The following SLC39A11 variants were observed in gnomAD, a reference collection of about 807,000 sequenced individuals.
SLC39A11 encodes zinc transporter ZIP11.
SLC39A11 carries 33 observed loss-of-function variants against 36.1 expected under a neutral mutation model. The observed-to-expected ratio is 0.91, with a 90% confidence interval of 0.69 to 1.22. The LOEUF (loss-of-function observed/expected upper bound fraction) is 1.22, where lower values mean the gene tolerates loss of function less well. Ranked by LOEUF, SLC39A11 falls within the 50% of genes most tolerant of loss-of-function variation. The probability of loss-of-function intolerance (pLI) is 0.00; values close to 1 mark genes in which losing one functional copy is unlikely to be tolerated. For synonymous variants in SLC39A11, 166 were observed against 170.3 expected, an observed-to-expected ratio of 0.97 and a Z score of 0.20; for missense variants, 432 against 430.3, an observed-to-expected ratio of 1.00 and a Z score of -0.03.
chr17:73,004,232 A>AAAGAAAAGAAAG lies in SLC39A11; in HGVS notation c.306+27323_306+27324insCTTTCTTTTCTT. Among the ~76,000 whole-genome samples the AAAGAAAAGAAAG allele has an allele frequency of 1.7e-4, 15 of 88,710 alleles. 1 individual carries two copies. The highest frequency in any genetic ancestry group is 1.2e-3 in the South Asian group (3 of 2,484). The allele number at this position is 88,710 out of a possible 152,430, so 58.2% of individuals were successfully genotyped here. A position where few individuals can be genotyped will look rare whatever the true frequency, so the allele number is the denominator to read the frequency against. Reference sequence around the variant, plus strand: ...GAAAGAAAGAAAGAAAGAAAGAAAGAAAAGAAAGAAAGAGAAAAAGCAAGC... The same window carrying AAAGAAAAGAAAG: ...GAAAGAAAGAAAGAAAGAAAGAAAGAAAGAAAAGAAAGAAAGAAAGAAAGAGAAAAAGCAAGC... On this transcript the variant is annotated intron_variant, in intron 4 of 9. Transcript: ENST00000255559.
At chr17:73,006,804 G>A (rs1485870164) in intron 4 of SLC39A11, among the ~76,000 whole-genome samples, 13 of 152,090 alleles carry the variant, frequency 8.5e-5, no homozygotes, top group African/African-American at 3.1e-4. Flanking sequence ...CCACCCAACC[G>A]TTCACACATT....
At position 72,755,324 on chromosome 17, in the gene SLC39A11, C is replaced by T. The variant is rs776786605; in HGVS notation, c.602-18605G>A. Among the ~76,000 whole-genome samples, 8 of 152,304 alleles carry T rather than the reference C, an allele frequency of 5.3e-5. No individual in the cohort carries two copies. The South Asian group carries it at 1.0e-3, about 20-fold the overall frequency. Reference sequence around the variant, plus strand: ...GAATAAGGGCAACGAAATCAGGAGGCGAAGGCCATATAGCAATGGAGGGAC... The same window carrying T: ...GAATAAGGGCAACGAAATCAGGAGGTGAAGGCCATATAGCAATGGAGGGAC... On this transcript the variant is annotated intron_variant, in intron 6 of 9. Coordinates refer to ENST00000255559, the MANE Select transcript of SLC39A11 (RefSeq NM_139177.4).
chr17:72,919,650 C>T (rs901538869), intron 5 of SLC39A11, among the ~76,000 whole-genome samples: 9 of 130,400 alleles, frequency 6.9e-5, no homozygotes, highest in Non-Finnish European at 1.2e-4. Context: ...CCAGACTGGG[C>T]GACAGAGGGA....
intron 4 of SLC39A11, among the ~76,000 whole-genome samples, chr17:72,950,146 C>T (rs188721489): frequency 4.5e-4 from 69 of 152,280 alleles, no homozygotes; most frequent in African/African-American, 1.3e-3. Flanking sequence ...GTCTAGACAT[C>T]GCTACTGTCA....
At chr17:72,729,305 C>T (rs1005120797) in intron 7 of SLC39A11, among the ~76,000 whole-genome samples, 1 of 145,726 alleles carries the variant, frequency 6.9e-6, no homozygotes, top group Non-Finnish European at 1.5e-5. Context: ...GGCACGATCA[C>T]GGCTTACTGC....
intron 6 of SLC39A11, among the ~76,000 whole-genome samples, chr17:72,780,297 C>T (rs2567527): frequency 0.015 from 2,232 of 152,220 alleles, 61 homozygotes; most frequent in African/African-American, 0.051. Context: ...CTGGTGTAAA[C>T]ACCCTGGCCT....
intron 5 of SLC39A11, among the ~76,000 whole-genome samples, chr17:72,862,106 C>G (rs2080071314): frequency 1.3e-5 from 2 of 152,078 alleles, no homozygotes; most frequent in Admixed American, 1.3e-4. Context: ...TTTATTGAGT[C>G]AGGGGCCATT....
chr17:72,695,830 C>T (rs2072269372), intron 7 of SLC39A11, among the ~76,000 whole-genome samples: 1 of 152,112 alleles, frequency 6.6e-6, no homozygotes, highest in African/African-American at 2.4e-5. Context: ...TGCCTGCAGC[C>T]ACCAGGAGCT....
At chr17:73,034,576 G>T (rs746433216) in intron 3 of SLC39A11, among the ~76,000 whole-genome samples, 1 of 151,958 alleles carries the variant, frequency 6.6e-6, no homozygotes, top group Non-Finnish European at 1.5e-5. Flanking sequence ...TCTCCCATAC[G>T]GTCCCACCTT....
At chr17:72,914,361 AT>A (rs140392705) in intron 5 of SLC39A11, among the ~76,000 whole-genome samples, 21,572 of 151,792 alleles carry the variant, frequency 0.14, 1,837 homozygotes, top group Non-Finnish European at 0.2. Context: ...CAATACAATA[AT>A]AAAAATAATA....
chr17:72,699,051 G>C (rs553433278), intron 7 of SLC39A11, among the ~76,000 whole-genome samples: 57 of 152,128 alleles, frequency 3.7e-4, no homozygotes, highest in South Asian at 2.1e-3. Context: ...GGATGGTCTC[G>C]ATCTCCTGAC....
intron 4 of SLC39A11, among the ~76,000 whole-genome samples, chr17:73,020,033 G>T (rs1270946964): frequency 6.7e-6 from 1 of 149,496 alleles, no homozygotes; most frequent in African/African-American, 2.4e-5. Context: ...GAATAAAACT[G>T]AAGAATCACA....
chr17:73,065,319 C>T (rs1432507841), intron 3 of SLC39A11, among the ~76,000 whole-genome samples: 1 of 152,084 alleles, frequency 6.6e-6, no homozygotes, highest in Non-Finnish European at 1.5e-5. Context: ...GCAGGAGAAT[C>T]GCTTGAACCT....
Position 73,006,627 on chromosome 17 carries a change from G to C in SLC39A11, c.306+24929C>G, listed in dbSNP as rs570939757. Among the ~76,000 whole-genome samples, 7 of 150,572 alleles carry C rather than the reference G, an allele frequency of 4.6e-5. No individual in the cohort carries two copies. The Admixed American group carries it at 4.7e-4, about 10-fold the overall frequency. On this transcript the variant is annotated intron_variant, in intron 4 of 9. Coordinates refer to ENST00000255559, the MANE Select transcript of SLC39A11 (RefSeq NM_139177.4). ...ACAATAAGTACCCAAAGCCTTGGGT[G>C]CTTTACTTAGAATTCAGTTTGTAAA...
intron 7 of SLC39A11, among the ~76,000 whole-genome samples, chr17:72,694,456 A>C (rs996733032): frequency 2.6e-5 from 4 of 152,226 alleles, no homozygotes; most frequent in Non-Finnish European, 4.4e-5. Flanking sequence ...CCTTGGTCTC[A>C]GACATCACGA....
intron 5 of SLC39A11, among the ~76,000 whole-genome samples, chr17:72,947,133 CA>C (rs1280153026): frequency 1.3e-5 from 2 of 152,134 alleles, no homozygotes; most frequent in Non-Finnish European, 2.9e-5. Context: ...CCAGCCTGGC[CA>C]AATTGGTGAA....
intron 6 of SLC39A11, among the ~76,000 whole-genome samples, chr17:72,740,265 C>G (rs1019365471): frequency 1.6e-4 from 24 of 151,862 alleles, no homozygotes; most frequent in African/African-American, 5.1e-4. Context: ...GGGTTTCACA[C>G]CGTGTTAGCC....
intron 6 of SLC39A11, among the ~76,000 whole-genome samples, chr17:72,788,665 A>T (rs934098658): frequency 4.6e-5 from 7 of 152,252 alleles, no homozygotes; most frequent in African/African-American, 1.7e-4. Flanking sequence ...ATGGCCAAAC[A>T]CCGGGGCTCC....
intron 3 of SLC39A11, among the ~76,000 whole-genome samples, chr17:73,045,149 G>A (rs925736524): frequency 1.3e-5 from 2 of 151,880 alleles, no homozygotes; most frequent in Admixed American, 1.3e-4. Flanking sequence ...CAGTCACTAA[G>A]TACCTGACAA....
Sources: gnomAD v4.1 joint callset for allele counts (sites outside exome capture counted in the v4.1 genomes callset) on GRCh38, gnomAD v4.1.1 for gene constraint, MANE v1.5 for transcripts, NCBI Gene and HGNC (gene_info 2026-07-23, HGNC 2026-07-21) for gene names.